Variants in BCAR3 observed in about 807,000 individuals in gnomAD.
The protein encoded by BCAR3 is BCAR3 adaptor protein, NSP family member.
In BCAR3, 37 loss-of-function variants were observed where a neutral mutation model predicts 80.1. That is an observed-to-expected ratio of 0.46 (90% confidence interval 0.36 to 0.61). BCAR3 has a LOEUF of 0.61. Ranked by LOEUF, BCAR3 falls within the 20% of genes least tolerant of loss-of-function variation. BCAR3 has a pLI of 0.00. For synonymous variants in BCAR3, 389 were observed against 418.9 expected (o/e 0.93, Z 0.87); for missense variants, 978 against 1,068.2 (o/e 0.92, Z 1.18).
rs143888328 is a variant in BCAR3 at position 93,678,859 on chromosome 1, C to T, written c.-12+2739G>A. On this transcript the variant is annotated intron_variant, in intron 1 of 11. Transcript: ENST00000260502. ...GGATCTGGCAAATGCAAAGGTCTTG[C>T]CATAGGAACAAGCGGTTGGAATGAC... Among the ~76,000 whole-genome samples, 434 of 152,258 alleles carry T rather than the reference C, an allele frequency of 2.9e-3. 2 individuals carry two copies. Among genetic ancestry groups the T allele is most frequent in the Middle Eastern group, 0.017 (5 of 294 alleles).
intron 2 of BCAR3, among the ~76,000 whole-genome samples, chr1:93,650,903 T>A (rs236296): frequency 0.043 from 6,490 of 152,268 alleles, 208 homozygotes; most frequent in African/African-American, 0.082. Flanking sequence ...ACAGTTATCA[T>A]AGATGCCAGT....
At chr1:93,830,572 AC>A (rs201145415) in intron 2 of BCAR3, among the ~76,000 whole-genome samples, 5,078 of 151,218 alleles carry the variant, frequency 0.034, 142 homozygotes, top group Admixed American at 0.083. Flanking sequence ...CAAGAGAAAA[AC>A]CCCCTTTGAC....
chr1:93,594,629 T>C (rs1674349931), intron 3 of BCAR3: 1 of 152,236 alleles, frequency 6.6e-6, no homozygotes, highest in African/African-American at 2.4e-5. Context: ...CTGAACTAAA[T>C]CCTAACCCAT....
intron 7 of BCAR3, among the ~76,000 whole-genome samples, chr1:93,577,774 C>G (rs1000846622): frequency 7.2e-6 from 1 of 138,994 alleles, no homozygotes; most frequent in African/African-American, 3.4e-5. Context: ...TGAGGGGTGT[C>G]CCCCACGCTC....
intron 5 of BCAR3, among the ~76,000 whole-genome samples, chr1:93,587,769 C>T (rs1570937333): frequency 6.6e-6 from 1 of 151,726 alleles, no homozygotes; most frequent in Admixed American, 6.6e-5. Flanking sequence ...AGCTGGGAGC[C>T]GGGTCAGGGC....
At chr1:93,721,214 T>C (rs1650390768) in intron 2 of BCAR3, among the ~76,000 whole-genome samples, 1 of 152,114 alleles carries the variant, frequency 6.6e-6, no homozygotes, top group Admixed American at 6.5e-5. Context: ...AGGGGACAGT[T>C]ACTCAGTTCC....
chr1:93,737,698 C>G (rs1281160161), intron 2 of BCAR3, among the ~76,000 whole-genome samples: 1 of 152,162 alleles, frequency 6.6e-6, no homozygotes, highest in East Asian at 1.9e-4. Flanking sequence ...ACAGTGGTAT[C>G]AAGAGGCATT....
upstream of BCAR3, among the ~76,000 whole-genome samples, chr1:93,683,193 C>G (rs1367775429): frequency 6.6e-6 from 1 of 152,180 alleles, no homozygotes; most frequent in East Asian, 1.9e-4. Context: ...CAACTGTCCT[C>G]AAGAGAGGAC....
chr1:93,690,105 A>T (rs1435497598), intron 3 of BCAR3, among the ~76,000 whole-genome samples: 1 of 152,252 alleles, frequency 6.6e-6, no homozygotes, highest in Non-Finnish European at 1.5e-5. Flanking sequence ...AGGTACCGAT[A>T]GGCAGCTGTG....
intron 2 of BCAR3, among the ~76,000 whole-genome samples, chr1:93,803,534 T>C (rs1486920079): frequency 6.6e-6 from 1 of 152,150 alleles, no homozygotes; most frequent in African/African-American, 2.4e-5. Flanking sequence ...TCCATGCCAC[T>C]CACCCTGTAT....
chr1:93,725,498 T>G (rs1420069045), intron 2 of BCAR3, among the ~76,000 whole-genome samples: 1 of 152,246 alleles, frequency 6.6e-6, no homozygotes, highest in Non-Finnish European at 1.5e-5. Context: ...TTTGTCTATT[T>G]CTTTCTGATT....
chr1:93,751,708 C>G (rs1170992828), intron 2 of BCAR3, among the ~76,000 whole-genome samples: 1 of 152,178 alleles, frequency 6.6e-6, no homozygotes, highest in East Asian at 1.9e-4. Context: ...TCCTCTTGGC[C>G]CCCAGAGCCA....
chr1:93,665,839 C>T (rs1647881753), intron 2 of BCAR3, among the ~76,000 whole-genome samples: 1 of 152,198 alleles, frequency 6.6e-6, no homozygotes, highest in Admixed American at 6.5e-5. Flanking sequence ...CCTTGGTCCT[C>T]TCCCAAGCTT....
At chr1:93,648,261 T>C (rs1402959499) in intron 2 of BCAR3, among the ~76,000 whole-genome samples, 8 of 152,112 alleles carry the variant, frequency 5.3e-5, no homozygotes. Context: ...GCAGGGCTTA[T>C]GAGGTGAGGG....
intron 9 of BCAR3, among the ~76,000 whole-genome samples, chr1:93,570,271 G>A (rs1673157885): frequency 6.6e-6 from 1 of 152,172 alleles, no homozygotes; most frequent in Non-Finnish European, 1.5e-5. Flanking sequence ...GTTTTTCAGT[G>A]GCAATGATGG....
At chr1:93,840,020 T>C (rs1422389949) in intron 2 of BCAR3, among the ~76,000 whole-genome samples, 4 of 152,168 alleles carry the variant, frequency 2.6e-5, no homozygotes, top group African/African-American at 9.7e-5. Flanking sequence ...GCAGAGGGCA[T>C]TATTTTCAAA....
At position 93,674,686 on chromosome 1, in the gene BCAR3, T is replaced by C; in HGVS notation, c.245A>G (p.Asn82Ser). The stretch of plus-strand genomic sequence containing the variant: ...GATGCCATCCTGGGTCACAGGCGAG[T>C]TCTGCCGTGGGGATTTGGAGTGGGG... Reference protein sequence around the residue: ...TLPHSKSPRQNSPVTQDGIQE... With the variant: ...TLPHSKSPRQSSPVTQDGIQE... Residue 82 changes from asparagine (N) to serine (S), a missense_variant, in exon 2 of 12, where the codon AAC becomes AGC. By Grantham distance (46) the Asn-to-Ser change is conservative. Transcript: ENST00000260502. 1 of 1,614,046 alleles carries C rather than the reference T, an allele frequency of 6.2e-7. No homozygotes were observed. Among genetic ancestry groups the C allele is most frequent in the Non-Finnish European group, 8.5e-7 (1 of 1,179,996 alleles).
At chr1:93,637,806 C>A (rs1217924823) in intron 3 of BCAR3, among the ~76,000 whole-genome samples, 1 of 152,172 alleles carries the variant, frequency 6.6e-6, no homozygotes, top group Non-Finnish European at 1.5e-5. Context: ...CCACTGGCTA[C>A]AAGATTTTCC....
At chr1:93,784,332 G>A (rs143774489) in intron 2 of BCAR3, among the ~76,000 whole-genome samples, 2 of 152,236 alleles carry the variant, frequency 1.3e-5, no homozygotes, top group East Asian at 1.9e-4. Context: ...TATGGTTATT[G>A]ATGAGGTGAG....
Sources: gnomAD v4.1 joint callset for allele counts (sites outside exome capture counted in the v4.1 genomes callset) on GRCh38, gnomAD v4.1.1 for gene constraint, MANE v1.5 for transcripts, NCBI Gene and HGNC (gene_info 2026-07-23, HGNC 2026-07-21) for gene names.